The following SFMBT1 variants were observed in gnomAD, a reference collection of about 807,000 sequenced individuals.
The protein encoded by SFMBT1 is Scm like with four mbt domains 1, also known as scm-like with four MBT domains protein 1.
Under a neutral mutation model 108.7 loss-of-function variants are expected in SFMBT1, and 32 were observed. The observed-to-expected ratio is 0.29, with a 90% confidence interval of 0.22 to 0.40. The LOEUF (loss-of-function observed/expected upper bound fraction) is 0.40, where lower values mean the gene tolerates loss of function less well. SFMBT1 is among the 10% of genes least tolerant of loss of function. The pLI, the probability that SFMBT1 is intolerant of heterozygous loss-of-function variation, is 1.00. For missense variants in SFMBT1, 816 were observed against 1,059.6 expected, an observed-to-expected ratio of 0.77 and a Z score of 3.19; for synonymous variants, 348 against 369.5, an observed-to-expected ratio of 0.94 and a Z score of 0.67.
At chr3:52,944,104 T>G (rs1166435321) in intron 3 of SFMBT1, among the ~76,000 whole-genome samples, 1 of 152,198 alleles carries the variant, frequency 6.6e-6, no homozygotes, top group Non-Finnish European at 1.5e-5. Flanking sequence ...CCTTTCCCTC[T>G]CAAAAGTGTT....
intron 2 of SFMBT1, among the ~76,000 whole-genome samples, chr3:52,968,009 A>G (rs1433383861): frequency 1.3e-5 from 2 of 152,234 alleles, no homozygotes; most frequent in Non-Finnish European, 2.9e-5. Context: ...ATAGCAACTT[A>G]TGTGTTGGTA....
chr3:52,915,244 C>A (rs1402524924), intron 14 of SFMBT1, among the ~76,000 whole-genome samples: 1 of 152,172 alleles, frequency 6.6e-6, no homozygotes, highest in Admixed American at 6.5e-5. Context: ...TCCCAGGGAA[C>A]CTGACCTATG....
intron 10 of SFMBT1, among the ~76,000 whole-genome samples, chr3:52,922,937 A>G (rs1162014656): frequency 1.3e-5 from 2 of 152,216 alleles, no homozygotes; most frequent in Admixed American, 6.5e-5. Flanking sequence ...TGGTGATATG[A>G]TAAGCCCAGG....
chr3:52,961,464 A>G (rs1251865179), intron 2 of SFMBT1, among the ~76,000 whole-genome samples: 2 of 151,950 alleles, frequency 1.3e-5, no homozygotes, highest in East Asian at 3.9e-4. Context: ...AAGCAAGAGA[A>G]CCGCTTGATC....
chr3:52,965,976 A>G (rs1297371689), intron 2 of SFMBT1, among the ~76,000 whole-genome samples: 2 of 125,422 alleles, frequency 1.6e-5, no homozygotes, highest in African/African-American at 6.3e-5. Context: ...ACTGCACTCC[A>G]GCCTGAGCGA....
At chr3:52,911,277 T>C in intron 16 of SFMBT1, 99 bp from the exon 17 acceptor site, 1 of 1,256,060 alleles carries the variant, frequency 8.0e-7, no homozygotes, top group Non-Finnish European at 1.1e-6. Flanking sequence ...TTTTGCTTCT[T>C]GGAATATTCT....
At chr3:52,909,235 A>G (rs1484470550) in intron 17 of SFMBT1, among the ~76,000 whole-genome samples, 1 of 152,248 alleles carries the variant, frequency 6.6e-6, no homozygotes, top group Non-Finnish European at 1.5e-5. Flanking sequence ...CAAAAGGCAC[A>G]ATAAAATCCA....
chr3:52,926,243 G>A, intron 9 of SFMBT1, 130 bp from the exon 10 acceptor site: 2 of 716,988 alleles, frequency 2.8e-6, no homozygotes, highest in Non-Finnish European at 4.7e-6. Flanking sequence ...ATTTTAGAGG[G>A]GCGAAAAGCA....
intron 2 of SFMBT1, among the ~76,000 whole-genome samples, chr3:52,958,539 A>T (rs1703858560): frequency 6.6e-6 from 1 of 152,156 alleles, no homozygotes; most frequent in Non-Finnish European, 1.5e-5. Context: ...GGCAGTGAGC[A>T]GAGATCACAC....
At chr3:52,939,091 C>T (rs1703107115) in intron 4 of SFMBT1, among the ~76,000 whole-genome samples, 1 of 152,136 alleles carries the variant, frequency 6.6e-6, no homozygotes. Flanking sequence ...TGATGAAAAT[C>T]TTGTTTTCTT....
chr3:53,024,617 C>T (rs925464983), intron 1 of SFMBT1, among the ~76,000 whole-genome samples: 4 of 152,200 alleles, frequency 2.6e-5, no homozygotes, highest in African/African-American at 9.6e-5. Context: ...GGGAAGACAG[C>T]TAAGAGGCTC....
chr3:52,912,791 T>C (rs1702247894), intron 15 of SFMBT1, 144 bp from the exon 16 acceptor site: 1 of 652,914 alleles, frequency 1.5e-6, no homozygotes, highest in African/African-American at 1.8e-5. Flanking sequence ...AACAAAATAA[T>C]AGTATCAGAG....
intron 1 of SFMBT1, among the ~76,000 whole-genome samples, chr3:53,011,425 C>A (rs1488088772): frequency 6.6e-6 from 1 of 152,142 alleles, no homozygotes; most frequent in African/African-American, 2.4e-5. Flanking sequence ...CATAAAAGTT[C>A]TATAGTACAC....
At chr3:52,982,961 A>C (rs1398080638) in intron 1 of SFMBT1, among the ~76,000 whole-genome samples, 1 of 152,196 alleles carries the variant, frequency 6.6e-6, no homozygotes, top group Non-Finnish European at 1.5e-5. Context: ...AGATCCCTCT[A>C]TGATATGGCA....
chr3:52,943,261 T>C, intron 4 of SFMBT1, 92 bp downstream of exon 4: 3 of 1,507,182 alleles, frequency 2.0e-6, no homozygotes, highest in Admixed American at 1.9e-5. Flanking sequence ...TAAACCTATA[T>C]GCTCGAGAGA....
chr3:52,965,029 T>C (rs1367717193), intron 2 of SFMBT1, among the ~76,000 whole-genome samples: 3 of 152,030 alleles, frequency 2.0e-5, no homozygotes, highest in Non-Finnish European at 2.9e-5. Context: ...AAATCATCAT[T>C]TCAAAGTCCT....
rs552340830 is a variant in SFMBT1 at position 52,925,904 on chromosome 3, A to C, written c.1131+127T>G. ...ATTTTCCTTTAGACCATGTGATTAC[A>C]ATCACCACTGTGCTCATCTGGATTA... is the stretch of plus-strand genomic sequence containing the variant. On this transcript the variant is annotated intron_variant, in intron 10 of 20. Transcript: ENST00000394752. The C allele has an allele frequency of 1.6e-5, 12 of 761,782 alleles. No individual in the cohort carries two copies. In the East Asian group the frequency reaches 3.6e-4, roughly 23 times the overall value. 47.2% of individuals were successfully genotyped at this position (761,782 alleles called of 1,614,324 possible). A position where few individuals can be genotyped will look rare whatever the true frequency, so the allele number is the denominator to read the frequency against.
rs190025553 is a variant in SFMBT1, at chr3:52,920,044, C to T, written c.1372+493G>A. ...TCCCTTCTACCATGTGAGGACACAA[C>T]GAGAAGGTGCCAACTATGGACCAGG... On this transcript the variant is annotated intron_variant, in intron 12 of 20. Coordinates refer to ENST00000394752, the MANE Select transcript of SFMBT1 (RefSeq NM_016329.4). Among the ~76,000 whole-genome samples the T allele has an allele frequency of 8.5e-5, 13 of 152,298 alleles. No individual in the cohort carries two copies. The East Asian group carries it at 2.1e-3, about 25-fold the overall frequency.
At chr3:52,974,167 C>T (rs973896697) in intron 1 of SFMBT1, among the ~76,000 whole-genome samples, 2 of 152,124 alleles carry the variant, frequency 1.3e-5, no homozygotes, top group African/African-American at 4.8e-5. Flanking sequence ...CAAAACAAAA[C>T]AAAACACTTT....
Sources: gnomAD v4.1 joint callset for allele counts (sites outside exome capture counted in the v4.1 genomes callset) on GRCh38, gnomAD v4.1.1 for gene constraint, MANE v1.5 for transcripts, NCBI Gene and HGNC (gene_info 2026-07-23, HGNC 2026-07-21) for gene names.